SOX6: variants seen among roughly 807,000 people sequenced by gnomAD.
The protein encoded by SOX6 is SRY-box transcription factor 6, also known as transcription factor SOX-6.
Under a neutral mutation model 97.8 loss-of-function variants are expected in SOX6, and 11 were observed. That is an observed-to-expected ratio of 0.11 (90% CI 0.07 to 0.19). SOX6 has a LOEUF of 0.19. Ranked by LOEUF, SOX6 falls within the 10% of genes least tolerant of loss-of-function variation. The pLI is 1.00. For missense variants in SOX6, 810 were observed against 1,039.5 expected (o/e 0.78, Z 3.04); for synonymous variants, 360 against 371.4 (o/e 0.97, Z 0.35).
rs1043357184 is a variant in SOX6 at position 16,000,739 on chromosome 11, C to T, written c.1733-11509G>A. Among the ~76,000 whole-genome samples, 5 of 151,280 alleles carry T rather than the reference C, an allele frequency of 3.3e-5. No individual in the cohort carries two copies. The South Asian group carries it at 8.3e-4, about 25-fold the overall frequency. ...CAGTGTGTGTGTGTGTGCGCGCGTG[C>T]GCGTGTGTGTGTGTGAGAGACAGAG... On this transcript the variant is annotated intron_variant, in intron 13 of 15. Transcript: ENST00000683767.
At chr11:16,157,646 T>A (rs1215748467) in intron 6 of SOX6, among the ~76,000 whole-genome samples, 1 of 152,018 alleles carries the variant, frequency 6.6e-6, no homozygotes, top group Non-Finnish European at 1.5e-5. Context: ...CTTTAAACTA[T>A]TGTTCTTAAT....
intron 3 of SOX6, among the ~76,000 whole-genome samples, chr11:16,670,419 C>T (rs1255428702): frequency 1.3e-5 from 2 of 152,180 alleles, no homozygotes; most frequent in African/African-American, 2.4e-5. Context: ...AACAGTGACT[C>T]CATGTTTCTT....
intron 3 of SOX6, among the ~76,000 whole-genome samples, chr11:16,701,752 G>A (rs1386126958): frequency 2.7e-5 from 4 of 148,354 alleles, no homozygotes; most frequent in African/African-American, 7.4e-5. Flanking sequence ...GCTACTCAGG[G>A]GCGGGCGGGA....
rs566965604 is a variant in SOX6 at position 16,500,923 on chromosome 11, T to C, written n.610-24535A>G. Among the ~76,000 whole-genome samples, 30 of 152,282 alleles carry C rather than the reference T, an allele frequency of 2.0e-4. 1 individual carries two copies. Among genetic ancestry groups the C allele is most frequent in the African/African-American group, 7.0e-4 (29 of 41,556 alleles). On this transcript the variant is annotated intron_variant and non_coding_transcript_variant, in intron 4 of 5. Transcript: ENST00000524520. ...AGATTCAATGCTATCCCCATCAAGCTACCAAGGACTTTCTTCACAGAATTG... is the reference window on the plus strand; with the variant it reads ...AGATTCAATGCTATCCCCATCAAGCCACCAAGGACTTTCTTCACAGAATTG...
intron 6 of SOX6, among the ~76,000 whole-genome samples, chr11:16,181,509 G>A (rs2134098584): frequency 1.4e-5 from 2 of 144,160 alleles, no homozygotes; most frequent in East Asian, 4.1e-4. Context: ...TCTTAAATTT[G>A]ATTAAATTTC....
intron 12 of SOX6, among the ~76,000 whole-genome samples, chr11:16,034,294 C>T (rs1283637531): frequency 6.6e-6 from 1 of 152,126 alleles, no homozygotes; most frequent in African/African-American, 2.4e-5. Flanking sequence ...ACAAGACACC[C>T]TTTGTGTTAT....
At chr11:16,020,212 G>C (rs1855011788) in intron 12 of SOX6, among the ~76,000 whole-genome samples, 1 of 151,958 alleles carries the variant, frequency 6.6e-6, no homozygotes, top group Non-Finnish European at 1.5e-5. Context: ...GATGATCCAG[G>C]CTTGCTGATT....
At chr11:16,172,404 A>T (rs1851063607) in intron 6 of SOX6, among the ~76,000 whole-genome samples, 1 of 152,106 alleles carries the variant, frequency 6.6e-6, no homozygotes, top group Non-Finnish European at 1.5e-5. Flanking sequence ...GTTCCCTGAA[A>T]GCAGGCCTTT....
chr11:16,568,940 A>T (rs1201757066), intron 4 of SOX6, among the ~76,000 whole-genome samples: 1 of 152,108 alleles, frequency 6.6e-6, no homozygotes, highest in African/African-American at 2.4e-5. Flanking sequence ...TTTACTTTTC[A>T]TCCTTCTATC....
intron 12 of SOX6, among the ~76,000 whole-genome samples, chr11:16,026,770 A>C (rs1282208774): frequency 6.6e-6 from 1 of 152,242 alleles, no homozygotes; most frequent in Non-Finnish European, 1.5e-5. Flanking sequence ...TGATTGTGGA[A>C]GAAGCTTTTC....
intron 7 of SOX6, among the ~76,000 whole-genome samples, chr11:16,100,134 C>T (rs1295437276): frequency 6.6e-6 from 1 of 151,632 alleles, no homozygotes; most frequent in East Asian, 1.9e-4. Context: ...TGCATGTTTC[C>T]CTTATGCTGC....
intron 9 of SOX6, among the ~76,000 whole-genome samples, chr11:16,093,708 T>A (rs1324716788): frequency 6.6e-6 from 1 of 151,994 alleles, no homozygotes; most frequent in African/African-American, 2.4e-5. Context: ...TAGTTTATCA[T>A]GATCATGTTT....
chr11:16,344,110 C>T (rs1228148806), intron 1 of SOX6, among the ~76,000 whole-genome samples: 2 of 151,784 alleles, frequency 1.3e-5, no homozygotes, highest in East Asian at 3.9e-4. Context: ...CTTGTTTTTA[C>T]TTTATTATAG....
intron 1 of SOX6, among the ~76,000 whole-genome samples, chr11:16,459,180 G>A (rs1030177937): frequency 4.6e-5 from 7 of 151,964 alleles, no homozygotes; most frequent in African/African-American, 1.2e-4. Flanking sequence ...TACAAGGAAC[G>A]CTGATCAGAG....
intron 2 of SOX6, among the ~76,000 whole-genome samples, chr11:16,733,141 AG>A (rs1353483722): frequency 3.9e-5 from 6 of 152,384 alleles, no homozygotes; most frequent in African/African-American, 1.4e-4. Context: ...AATGTGAATT[AG>A]TTCAACCATT....
chr11:16,301,145 C>G (rs923956041), intron 3 of SOX6, among the ~76,000 whole-genome samples: 1 of 152,068 alleles, frequency 6.6e-6, no homozygotes, highest in Non-Finnish European at 1.5e-5. Context: ...GAGAAACAAA[C>G]TTATATGAAA....
intron 4 of SOX6, among the ~76,000 whole-genome samples, chr11:16,595,822 G>C (rs1324236795): frequency 1.3e-5 from 2 of 151,904 alleles, no homozygotes; most frequent in African/African-American, 4.8e-5. Context: ...CTAATAAATG[G>C]ATTTATCATC....
At chr11:16,209,771 T>C (rs1852170815) in intron 4 of SOX6, among the ~76,000 whole-genome samples, 1 of 152,034 alleles carries the variant, frequency 6.6e-6, no homozygotes. Context: ...GAAAAAATTA[T>C]ATATATTTTT....
chr11:16,602,329 A>C (rs1848280355), intron 4 of SOX6, among the ~76,000 whole-genome samples: 1 of 152,190 alleles, frequency 6.6e-6, no homozygotes, highest in Non-Finnish European at 1.5e-5. Context: ...CTATGGAATT[A>C]ATGCCCTGGT....
Sources: allele counts gnomAD v4.1 joint callset (sites outside exome capture counted in the v4.1 genomes callset), GRCh38; gene constraint gnomAD v4.1.1; transcripts MANE v1.5; gene names NCBI Gene and HGNC (gene_info 2026-07-23, HGNC 2026-07-21).